LARGE1: variants seen among roughly 807,000 people sequenced by gnomAD.
The protein encoded by LARGE1 is LARGE xylosyl- and glucuronyltransferase 1.
A neutral mutation model predicts 87.6 loss-of-function variants in LARGE1; 43 were observed. The observed-to-expected ratio is 0.49, with a 90% confidence interval of 0.38 to 0.63. LARGE1 has a LOEUF of 0.63. LARGE1 is among the 30% of genes least tolerant of loss of function. The pLI, the probability that LARGE1 is intolerant of heterozygous loss-of-function variation, is 0.00. For synonymous variants in LARGE1, 434 were observed against 394.6 expected (o/e 1.10, Z -1.18); for missense variants, 802 against 1,000.2 (o/e 0.80, Z 2.67).
intron 3 of LARGE1, among the ~76,000 whole-genome samples, chr22:33,633,055 T>C (rs1453103865): frequency 6.6e-6 from 1 of 152,176 alleles, no homozygotes; most frequent in Non-Finnish European, 1.5e-5. Context: ...AGGGATGACC[T>C]TGTCTTACAA....
At chr22:33,797,228 C>CTA (rs916414523) in intron 1 of LARGE1, among the ~76,000 whole-genome samples, 48 of 152,288 alleles carry the variant, frequency 3.2e-4, no homozygotes, top group African/African-American at 1.2e-3. Context: ...GGGCACCCCT[C>CTA]CAGCCAGTTC....
chr22:33,304,450 G>T lies in LARGE1; in HGVS notation c.1509C>A (p.Leu503=), dbSNP rs776584444. Residue 503 remains leucine (L), a synonymous_variant, in exon 12 of 15, where the codon CTC becomes CTA. Transcript: ENST00000397394. ...GCTGGGCCTCGGCGTCTGACAGGTA[G>T]AGGGCCAGGCTGATGGGCCCCTCCC... is the stretch of plus-strand genomic sequence containing the variant. ...KHWEGPISLA[L]YLSDAEAQQF... 6.2e-7 allele frequency: 1 copy of T among 1,613,618 alleles called. No individual in the cohort carries two copies. The highest frequency in any genetic ancestry group is 8.5e-7 in the Non-Finnish European group (1 of 1,179,870).
chr22:33,327,867 T>C (rs1178504622), intron 10 of LARGE1, among the ~76,000 whole-genome samples: 2 of 152,082 alleles, frequency 1.3e-5, no homozygotes, highest in Non-Finnish European at 2.9e-5. Context: ...TGAGTCCAAG[T>C]GGAGGGATGC....
chr22:33,161,249 C>T (rs1019411911), downstream of LARGE1, among the ~76,000 whole-genome samples: 23 of 152,144 alleles, frequency 1.5e-4, no homozygotes, highest in Admixed American at 5.9e-4. Flanking sequence ...GTCCCTCCCA[C>T]GACCCATGGG....
At chr22:33,416,485 G>A (rs150575236) in intron 7 of LARGE1, among the ~76,000 whole-genome samples, 107 of 152,160 alleles carry the variant, frequency 7.0e-4, no homozygotes, top group Non-Finnish European at 1.3e-3. Flanking sequence ...AGGCCACATT[G>A]CATTTCACTG....
intron 11 of LARGE1, among the ~76,000 whole-genome samples, chr22:33,178,588 T>G (rs532405059): frequency 9.7e-4 from 148 of 152,318 alleles, no homozygotes; most frequent in Middle Eastern, 3.4e-3. Context: ...CTATATTTTT[T>G]GGGGTTTTGC....
the LARGE1 span, among the ~76,000 whole-genome samples, chr22:33,141,416 C>A: frequency 6.6e-6 from 1 of 152,052 alleles, no homozygotes; most frequent in Non-Finnish European, 1.5e-5. Flanking sequence ...AGTATATGAC[C>A]TACATTTTAT....
intron 6 of LARGE1, among the ~76,000 whole-genome samples, chr22:33,544,265 A>T (rs188623015): frequency 6.6e-6 from 1 of 152,184 alleles, no homozygotes; most frequent in Non-Finnish European, 1.5e-5. Flanking sequence ...TATGACATAC[A>T]CTGAGTCTTG....
rs187377379 is a variant in LARGE1 at position 33,477,073 on chromosome 22, G to A, written c.788-44808C>T. ...AAAGAGATGAAAAAGAAACAGCTCA[G>A]AGCTGCGTGGCGGCTCACCGCTAAG... On this transcript the variant is annotated intron_variant, in intron 6 of 14. Transcript: ENST00000397394. Among the ~76,000 whole-genome samples, 487 of 152,324 alleles carry A rather than the reference G, an allele frequency of 3.2e-3. 3 individuals are homozygous for A. Among genetic ancestry groups the A allele is most frequent in the South Asian group, 0.021 (103 of 4,824 alleles).
chr22:33,890,086 A>G (rs1026966949), intron 1 of LARGE1, among the ~76,000 whole-genome samples: 2 of 152,244 alleles, frequency 1.3e-5, no homozygotes, highest in Admixed American at 1.3e-4. Flanking sequence ...GGGAGAGAAC[A>G]ACGACAGTGG....
In LARGE1 at chr22:33,384,239, C is replaced by A. The variant is rs374774937; in HGVS notation, c.958G>T (p.Ala320Ser). 2.5e-6 allele frequency: 4 copies of A among 1,614,148 alleles called. No individual in the cohort carries two copies. Among genetic ancestry groups the A allele is most frequent in the South Asian group, 1.1e-5 (1 of 91,082 alleles). Residue 320 changes from alanine to serine, a missense_variant, in exon 8 of 15, where the codon GCA becomes TCA. This residue lies in a region of LARGE1 where 625 missense variants were observed against 841.9 expected (regional missense o/e 0.74). Coordinates refer to ENST00000397394, the MANE Select transcript of LARGE1 (RefSeq NM_133642.5). ...MKWEQMWRLT[A>S]ERELMGMLST... is the part of the protein sequence containing the mutation. The stretch of plus-strand genomic sequence containing the variant: ...AGCATGCCCATGAGCTCCCTCTCTG[C>A]GGTCAGCCTCCACATCTGCTCCCAT...
intron 11 of LARGE1, among the ~76,000 whole-genome samples, chr22:33,168,720 C>G (rs1922403391): frequency 6.6e-6 from 1 of 152,158 alleles, no homozygotes; most frequent in African/African-American, 2.4e-5. Context: ...TCCCATTACC[C>G]TTATTTTGTT....
chr22:33,512,845 G>T lies in LARGE1; in HGVS notation c.787+52003C>A, dbSNP rs544252251. On this transcript the variant is annotated intron_variant, in intron 6 of 14. Coordinates refer to ENST00000397394, the MANE Select transcript of LARGE1 (RefSeq NM_133642.5). ...AATAATGGTGATCTTCAGGTAGTAGGAGATGTATGATTCTTCTCTTTTCCC... is the reference window on the plus strand; with the variant it reads ...AATAATGGTGATCTTCAGGTAGTAGTAGATGTATGATTCTTCTCTTTTCCC... Among the ~76,000 whole-genome samples, 28 of 152,262 alleles carry T rather than the reference G, an allele frequency of 1.8e-4. No individual in the cohort carries two copies. The South Asian group carries it at 2.5e-3, about 14-fold the overall frequency.
At chr22:33,537,228 C>G (rs1423982610) in intron 6 of LARGE1, among the ~76,000 whole-genome samples, 2 of 152,230 alleles carry the variant, frequency 1.3e-5, no homozygotes, top group Admixed American at 1.3e-4. Context: ...GTCAGAAAGC[C>G]TGAAATCAGT....
At chr22:33,686,187 C>T (rs954187867) in intron 2 of LARGE1, among the ~76,000 whole-genome samples, 1 of 152,102 alleles carries the variant, frequency 6.6e-6, no homozygotes, top group African/African-American at 2.4e-5. Flanking sequence ...CAAGTGGCGA[C>T]TTGGTGCACA....
chr22:33,831,655 G>C (rs1265285761), intron 1 of LARGE1, among the ~76,000 whole-genome samples: 4 of 152,052 alleles, frequency 2.6e-5, no homozygotes, highest in African/African-American at 4.8e-5. Flanking sequence ...AACTGGACAA[G>C]AACTTGCAGT....
At chr22:33,834,570 T>A (rs1053322336) in intron 1 of LARGE1, among the ~76,000 whole-genome samples, 5 of 151,840 alleles carry the variant, frequency 3.3e-5, no homozygotes, top group African/African-American at 9.7e-5. Context: ...CCCCACCCCA[T>A]CTCCCTTCGC....
At chr22:33,068,626 CAG>C in the LARGE1 span, among the ~76,000 whole-genome samples, 1 of 152,106 alleles carries the variant, frequency 6.6e-6, no homozygotes. Context: ...GCCTGGGCCA[CAG>C]AGCAAGACTG....
chr22:33,565,054 A>C, intron 5 of LARGE1, 35 bp from the exon 6 acceptor site: 6 of 1,598,434 alleles, frequency 3.8e-6, no homozygotes, highest in Non-Finnish European at 5.1e-6. Context: ...AGTTGGAGAA[A>C]GGGAAAAAAA....
Sources: allele counts gnomAD v4.1 joint callset (sites outside exome capture counted in the v4.1 genomes callset), GRCh38; gene constraint gnomAD v4.1.1; regional missense constraint gnomAD v4.1.1; transcripts MANE v1.5; gene names NCBI Gene and HGNC (gene_info 2026-07-23, HGNC 2026-07-21).